Variants in PALM2AKAP2 observed in about 807,000 individuals in gnomAD.
The protein encoded by PALM2AKAP2 is PALM2 and AKAP2 fusion.
A neutral mutation model predicts 71.5 loss-of-function variants in PALM2AKAP2; 37 were observed. The ratio of observed to expected loss-of-function variants is 0.52; its 90% CI spans 0.40 to 0.68. The LOEUF is 0.68. Among genes scored for constraint, PALM2AKAP2 ranks in the 30% least tolerant of loss-of-function variants. The pLI is 0.00. For missense variants in PALM2AKAP2, 1,224 were observed against 1,191.8 expected (o/e 1.03, Z -0.40); for synonymous variants, 468 against 478.8 (o/e 0.98, Z 0.29).
chr9:109,803,048 C>G (rs1181003092), intron 1 of PALM2AKAP2, among the ~76,000 whole-genome samples: 4 of 152,076 alleles, frequency 2.6e-5, no homozygotes. Context: ...TCAGAATAGT[C>G]TGTGTTTGTT....
chr9:109,848,846 G>A (rs181702231), intron 1 of PALM2AKAP2, among the ~76,000 whole-genome samples: 1 of 151,766 alleles, frequency 6.6e-6, no homozygotes, highest in African/African-American at 2.4e-5. Flanking sequence ...CTGAGCCCAT[G>A]GGGTCGAGGC....
At chr9:109,641,626 C>G (rs1484157916) in intron 1 of PALM2AKAP2, among the ~76,000 whole-genome samples, 1 of 152,118 alleles carries the variant, frequency 6.6e-6, no homozygotes, top group Non-Finnish European at 1.5e-5. Flanking sequence ...GAGCTGCTGC[C>G]ACAGCAGGAC....
chr9:109,909,818 G>C (rs1463777492), intron 3 of PALM2AKAP2, among the ~76,000 whole-genome samples: 3 of 152,204 alleles, frequency 2.0e-5, no homozygotes, highest in Non-Finnish European at 2.9e-5. Flanking sequence ...AGGCAGAGGG[G>C]TGGTATGAGC....
intron 1 of PALM2AKAP2, among the ~76,000 whole-genome samples, chr9:110,088,279 T>G (rs1648706928): frequency 6.6e-6 from 1 of 152,146 alleles, no homozygotes; most frequent in South Asian, 2.1e-4. Flanking sequence ...GTCTGATTGG[T>G]TGCAGGAGGG....
chr9:109,689,281 C>A (rs1278817519), intron 1 of PALM2AKAP2, among the ~76,000 whole-genome samples: 1 of 150,602 alleles, frequency 6.6e-6, no homozygotes, highest in Non-Finnish European at 1.5e-5. Context: ...CAGCTCACTG[C>A]AACCTCCGCC....
rs1394302559 is a variant in PALM2AKAP2 at position 109,648,229 on chromosome 9, C to A, written c.5+7363C>A. Among the ~76,000 whole-genome samples the A allele has an allele frequency of 2.0e-5, 3 of 152,322 alleles. No individual in the cohort carries two copies. In the East Asian group the frequency reaches 5.8e-4, roughly 29 times the overall value. On this transcript the variant is annotated intron_variant, in intron 1 of 6. Transcript: ENST00000374531. ...CATGCAGAACTGTGAGTCAATAAAA[C>A]CTCTTTGTTTACAAATTATCTAGTC...
chr9:109,970,484 G>T (rs1049826359), intron 6 of PALM2AKAP2, among the ~76,000 whole-genome samples: 1 of 152,142 alleles, frequency 6.6e-6, no homozygotes, highest in South Asian at 2.1e-4. Context: ...ATCTTCAAGG[G>T]GTTAGGGTAG....
chr9:110,044,916 C>G (rs1209356631), upstream of PALM2AKAP2, among the ~76,000 whole-genome samples: 1 of 152,146 alleles, frequency 6.6e-6, no homozygotes, highest in African/African-American at 2.4e-5. Context: ...TACTGCTAGA[C>G]CATTATTATT....
chr9:109,842,915 C>T (rs112405718), intron 1 of PALM2AKAP2, among the ~76,000 whole-genome samples: 4 of 152,020 alleles, frequency 2.6e-5, no homozygotes, highest in East Asian at 1.9e-4. Context: ...CCAATGAGGG[C>T]GGATCACCTG....
At chr9:109,640,945 C>T in intron 1 of PALM2AKAP2, 1 of 1,443,490 alleles carries the variant, frequency 6.9e-7, no homozygotes, top group Non-Finnish European at 9.1e-7. Context: ...AGGCAGATCC[C>T]GCTCGGGTCC....
chr9:109,704,518 G>A (rs948371511), intron 1 of PALM2AKAP2, among the ~76,000 whole-genome samples: 7 of 152,196 alleles, frequency 4.6e-5, no homozygotes, highest in African/African-American at 1.7e-4. Flanking sequence ...GCAGAATGGA[G>A]TTTCTGATGG....
chr9:109,890,566 A>T (rs1830065400), intron 3 of PALM2AKAP2, among the ~76,000 whole-genome samples: 1 of 152,180 alleles, frequency 6.6e-6, no homozygotes, highest in African/African-American at 2.4e-5. Context: ...ATTTTTTTGG[A>T]TCTCTCATCC....
Position 109,744,061 on chromosome 9 carries a change from A to G in PALM2AKAP2, c.6-36427A>G, listed in dbSNP as rs199625355. ...ATGTGAAATGGATAAAATCTGACTG[A>G]AAGTTAACAACTCAAGAGCAGAATT... On this transcript the variant is annotated intron_variant, in intron 1 of 6. Transcript: ENST00000374531. 5.9e-5 allele frequency among the ~76,000 whole-genome samples: 9 copies of G among 152,358 alleles called. No individual in the cohort carries two copies. The East Asian group carries it at 1.7e-3, about 29-fold the overall frequency.
At chr9:109,655,477 A>G (rs1287916454) in intron 1 of PALM2AKAP2, among the ~76,000 whole-genome samples, 3 of 152,120 alleles carry the variant, frequency 2.0e-5, no homozygotes, top group African/African-American at 2.4e-5. Context: ...CATTGTAACC[A>G]TTTATAAGTG....
intron 5 of PALM2AKAP2, among the ~76,000 whole-genome samples, chr9:109,925,682 C>T (rs1202142247): frequency 2.0e-5 from 3 of 152,100 alleles, no homozygotes; most frequent in African/African-American, 7.2e-5. Context: ...GTGGCAAGAG[C>T]AGGTCTTTCA....
chr9:110,090,506 T>C, intron 1 of PALM2AKAP2: 1 of 450,120 alleles, frequency 2.2e-6, no homozygotes, highest in Admixed American at 2.4e-5. Context: ...GGCACATTTC[T>C]CTTTTATTCT....
chr9:110,070,676 GAACT>G (rs1834183488), intron 1 of PALM2AKAP2, among the ~76,000 whole-genome samples: 1 of 152,168 alleles, frequency 6.6e-6, no homozygotes, highest in Admixed American at 6.5e-5. Context: ...TTAGCTGCCT[GAACT>G]AACTCAGATG....
intron 1 of PALM2AKAP2, among the ~76,000 whole-genome samples, chr9:109,852,234 G>GT (rs1829039588): frequency 6.6e-6 from 1 of 152,194 alleles, no homozygotes; most frequent in South Asian, 2.1e-4. Context: ...CTGATAGGTA[G>GT]TTTTTCAACC....
intron 6 of PALM2AKAP2, among the ~76,000 whole-genome samples, chr9:109,979,518 G>C (rs1301927163): frequency 6.6e-6 from 1 of 152,216 alleles, no homozygotes; most frequent in East Asian, 1.9e-4. Flanking sequence ...AAGGTGTCTT[G>C]CTTCATCTTT....
Sources: gnomAD v4.1 joint callset for allele counts (sites outside exome capture counted in the v4.1 genomes callset) on GRCh38, gnomAD v4.1.1 for gene constraint, MANE v1.5 for transcripts, NCBI Gene and HGNC (gene_info 2026-07-23, HGNC 2026-07-21) for gene names.